Variants in DNAH9 observed in about 807,000 individuals in gnomAD.
The protein encoded by DNAH9 is DNAH9 variant protein.
DNAH9 carries 345 observed loss-of-function variants against 471.6 expected under a neutral mutation model. The observed-to-expected ratio is 0.73, with a 90% confidence interval of 0.67 to 0.80. DNAH9 has a LOEUF of 0.80. DNAH9 is among the 30% of genes least tolerant of loss of function. The probability of loss-of-function intolerance (pLI) is 0.00; values close to 1 mark genes in which losing one functional copy is unlikely to be tolerated. For synonymous variants in DNAH9, 2,093 were observed against 2,123.6 expected (o/e 0.99, Z 0.40); for missense variants, 5,407 against 5,609.2 (o/e 0.96, Z 1.15).
At chr17:11,774,249 A>C (rs1968332646) in intron 38 of DNAH9, among the ~76,000 whole-genome samples, 2 of 152,216 alleles carry the variant, frequency 1.3e-5, no homozygotes, top group South Asian at 4.1e-4. Flanking sequence ...GTGTATCATT[A>C]CAAGTTTACA....
At chr17:11,637,886 C>T (rs916372449) in intron 9 of DNAH9, among the ~76,000 whole-genome samples, 16 of 152,030 alleles carry the variant, frequency 1.1e-4, no homozygotes, top group African/African-American at 3.1e-4. Flanking sequence ...GATTCGAGGG[C>T]AGGCTTATGG....
At chr17:11,619,823 A>T (rs780125038) in intron 6 of DNAH9, 42 bp downstream of exon 6, 9 of 1,228,892 alleles carry the variant, frequency 7.3e-6, no homozygotes, top group Admixed American at 1.7e-5. Context: ...CCCAGACAGA[A>T]AGAAGCAGTC....
At chr17:11,792,135 A>G (rs1301908202) in intron 41 of DNAH9, among the ~76,000 whole-genome samples, 1 of 151,932 alleles carries the variant, frequency 6.6e-6, no homozygotes, top group Non-Finnish European at 1.5e-5. Context: ...TTAGCCAGGC[A>G]TGGTGGCGCA....
chr17:11,856,077 G>A (rs1971615251), intron 50 of DNAH9, among the ~76,000 whole-genome samples: 1 of 152,160 alleles, frequency 6.6e-6, no homozygotes, highest in African/African-American at 2.4e-5. Context: ...GTGTGAGCGT[G>A]ACTATAACTG....
chr17:11,641,300 C>T (rs980489900), intron 10 of DNAH9, among the ~76,000 whole-genome samples: 1 of 152,012 alleles, frequency 6.6e-6, no homozygotes, highest in Non-Finnish European at 1.5e-5. Flanking sequence ...TGAGCAATCT[C>T]CTGACTGTTG....
chr17:11,781,152 C>T lies in DNAH9; in HGVS notation c.7696C>T (p.Gln2566Ter). 6.2e-7 allele frequency: 1 copy of T among 1,614,132 alleles called. No homozygotes were observed. The highest frequency in any genetic ancestry group is 8.5e-7 in the Non-Finnish European group (1 of 1,180,000). The change falls in exon 39 of 69, where the codon CAG (glutamine) becomes TAG (stop). Residue 2566 changes from glutamine to a stop codon, truncating the protein, a stop_gained. Transcript: ENST00000262442. LOFTEE classifies it high-confidence loss of function. Reference protein sequence around the residue: ...GTVQPHTIIRQHLDYGHWYDR... With the variant: ...GTVQPHTIIR ...GGTGCAGCCCCACACCATCATCCGG[C>T]AGCATCTGGACTATGGCCACTGGTA...
chr17:11,937,278 A>G lies in DNAH9; in HGVS notation c.12490-74A>G. 1 of 1,527,754 alleles carries G rather than the reference A, an allele frequency of 6.5e-7. No homozygotes were observed. Among genetic ancestry groups the G allele is most frequent in the Non-Finnish European group, 8.8e-7 (1 of 1,131,072 alleles). The allele number at this position is 1,527,754 out of a possible 1,614,324, so 94.6% of individuals were successfully genotyped here. ...GGATACTAGCCCATGGACTCCCTGC[A>G]GAGGACAAGCCGGTGTGGGAGATGG... On this transcript the variant is annotated intron_variant, in intron 65 of 68. Transcript: ENST00000262442. The surrounding 1 kb of genome is among the most constrained non-coding windows in gnomAD (Gnocchi z 4.1).
At chr17:11,628,914 A>G (rs537724633) in intron 6 of DNAH9, among the ~76,000 whole-genome samples, 89 of 152,136 alleles carry the variant, frequency 5.9e-4, no homozygotes, top group Non-Finnish European at 1.1e-3. Flanking sequence ...ATTTGACCAT[A>G]CTTTCTCTTT....
chr17:11,763,704 T>G, intron 36 of DNAH9, 90 bp downstream of exon 36: 2 of 1,268,114 alleles, frequency 1.6e-6, no homozygotes, highest in Non-Finnish European at 1.1e-6. Flanking sequence ...ACAGGACAGC[T>G]AAATGTCAGA....
rs1567891101 is a variant in DNAH9 at position 11,905,792 on chromosome 17, A to G, written c.11732A>G (p.Lys3911Arg). ...FILSPGVDPL[K>R]DVESQGRKLG... ...CTGTCTCCAGGGGTGGACCCACTGA[A>G]GGATGTAGAAAGTCAAGGTGAGAAA... The change falls in exon 61 of 69, where the codon AAG becomes AGG. Residue 3911 changes from lysine (K) to arginine (R), a missense_variant. Lys to Arg is a conservative substitution (Grantham distance 26). Around this residue, in one of 3 missense-constraint regions of DNAH9, gnomAD observed 4,636 missense variants for 4,900.3 expected, o/e 0.95. Coordinates refer to ENST00000262442, the MANE Select transcript of DNAH9 (RefSeq NM_001372.4). The G allele has an allele frequency of 6.2e-7, 1 of 1,608,924 alleles. No individual in the cohort carries two copies.
intron 4 of DNAH9, 157 bp from the exon 5 acceptor site, chr17:11,617,254 A>G: frequency 1.7e-6 from 1 of 602,010 alleles, no homozygotes; most frequent in East Asian, 2.8e-5. Context: ...AGGGCTCTCC[A>G]GTTTCCATAT....
chr17:11,699,673 C>A lies in DNAH9; in HGVS notation c.4873-58C>A, dbSNP rs192677846. 228 of 1,530,084 alleles carry A rather than the reference C, an allele frequency of 1.5e-4. 2 individuals are homozygous for A. In the African/African-American group the frequency reaches 2.6e-3, roughly 17 times the overall value. The allele number at this position is 1,530,084 out of a possible 1,614,324, so 94.8% of individuals were successfully genotyped here. ...CCACATGGTAGGCCTCTAAACAATT[C>A]TAATAAGCAGCTTCCCGAACATGTT... On this transcript the variant is annotated intron_variant, in intron 22 of 68. Transcript: ENST00000262442.
chr17:11,958,451 G>A (rs969791101), intron 67 of DNAH9, among the ~76,000 whole-genome samples: 4 of 152,106 alleles, frequency 2.6e-5, no homozygotes, highest in African/African-American at 9.7e-5. Flanking sequence ...GTGGATACGT[G>A]GCATTAAACT....
chr17:11,819,499 C>T (rs1259058840), intron 45 of DNAH9, among the ~76,000 whole-genome samples: 1 of 151,930 alleles, frequency 6.6e-6, no homozygotes, highest in East Asian at 1.9e-4. Context: ...CTCACTGCAA[C>T]CTCCACCTCC....
intron 45 of DNAH9, among the ~76,000 whole-genome samples, chr17:11,813,769 T>C (rs1970001842): frequency 6.6e-6 from 1 of 152,240 alleles, no homozygotes; most frequent in South Asian, 2.1e-4. Flanking sequence ...TAATTTGGCT[T>C]ATGAATCTAC....
chr17:11,882,171 C>T lies in DNAH9; in HGVS notation c.10806+758C>T, dbSNP rs554844411. Among the ~76,000 whole-genome samples, 6 of 152,322 alleles carry T rather than the reference C, an allele frequency of 3.9e-5. No individual in the cohort carries two copies. In the East Asian group the frequency reaches 7.7e-4, roughly 20 times the overall value. On this transcript the variant is annotated intron_variant, in intron 55 of 68. Coordinates refer to ENST00000262442, the MANE Select transcript of DNAH9 (RefSeq NM_001372.4). The stretch of plus-strand genomic sequence containing the variant: ...TATAATTCTGGAAGTTGGAAGTCTG[C>T]GATCATGTTGGTTTTTGGTGAGGCC...
intron 27 of DNAH9, among the ~76,000 whole-genome samples, chr17:11,721,357 G>C (rs932971778): frequency 6.6e-6 from 1 of 152,056 alleles, no homozygotes; most frequent in Non-Finnish European, 1.5e-5. Context: ...CTAGACACAG[G>C]TTAGAACATC....
At chr17:11,850,286 C>T (rs1204729302) in intron 49 of DNAH9, among the ~76,000 whole-genome samples, 1 of 152,148 alleles carries the variant, frequency 6.6e-6, no homozygotes, top group Non-Finnish European at 1.5e-5. Context: ...ACAGCTAGAA[C>T]AATAGTCCTA....
At chr17:11,600,027 G>A (rs2072351204) in intron 1 of DNAH9, among the ~76,000 whole-genome samples, 1 of 152,124 alleles carries the variant, frequency 6.6e-6, no homozygotes. Flanking sequence ...CCCTTTAGAT[G>A]GTGTATCAGG....
Sources: gnomAD v4.1 joint callset for allele counts (sites outside exome capture counted in the v4.1 genomes callset) on GRCh38, gnomAD v4.1.1 for gene constraint, gnomAD v4.1.1 regional missense constraint, Gnocchi (gnomAD v3.1) non-coding constraint, MANE v1.5 for transcripts, NCBI Gene and HGNC (gene_info 2026-07-23, HGNC 2026-07-21) for gene names.